The following MCTP1 variants were observed in gnomAD, a reference collection of about 807,000 sequenced individuals.
MCTP1 encodes multiple C2 and transmembrane domain containing 1.
Under a neutral mutation model 120.6 loss-of-function variants are expected in MCTP1, and 69 were observed. That is an observed-to-expected ratio of 0.57 (90% CI 0.47 to 0.70). The LOEUF (loss-of-function observed/expected upper bound fraction) is 0.70, where lower values mean the gene tolerates loss of function less well. Among genes scored for constraint, MCTP1 ranks in the 30% least tolerant of loss-of-function variants. The pLI is 0.00. For missense variants in MCTP1, 1,203 were observed against 1,248.8 expected (o/e 0.96, Z 0.55); for synonymous variants, 529 against 493.1 (o/e 1.07, Z -0.96).
chr5:95,131,901 C>A (rs764668576), intron 1 of MCTP1, among the ~76,000 whole-genome samples: 23 of 152,142 alleles, frequency 1.5e-4, no homozygotes, highest in Non-Finnish European at 2.1e-4. Context: ...GAAATTGTCA[C>A]CTTGGGGACT....
intron 17 of MCTP1, among the ~76,000 whole-genome samples, chr5:94,816,167 G>A (rs969868176): frequency 3.3e-5 from 5 of 152,096 alleles, no homozygotes; most frequent in African/African-American, 7.2e-5. Flanking sequence ...GGTAAAATAC[G>A]TATGTATAAA....
intron 2 of MCTP1, among the ~76,000 whole-genome samples, chr5:94,967,219 G>C (rs1269264194): frequency 6.6e-6 from 1 of 152,152 alleles, no homozygotes; most frequent in Non-Finnish European, 1.5e-5. Context: ...CCTGAAGGTT[G>C]GGTAGAGATG....
chr5:95,091,110 C>T (rs1340283116), intron 1 of MCTP1, among the ~76,000 whole-genome samples: 2 of 152,112 alleles, frequency 1.3e-5, no homozygotes, highest in Non-Finnish European at 2.9e-5. Flanking sequence ...CCCCCCAACC[C>T]CAAACCTACT....
chr5:94,807,036 A>AT (rs1182989944), intron 17 of MCTP1, among the ~76,000 whole-genome samples: 1 of 152,136 alleles, frequency 6.6e-6, no homozygotes, highest in African/African-American at 2.4e-5. Flanking sequence ...GTATTAACCC[A>AT]TTTTTTACCC....
At chr5:95,135,820 AC>A (rs1259080257) in intron 1 of MCTP1, among the ~76,000 whole-genome samples, 1 of 152,224 alleles carries the variant, frequency 6.6e-6, no homozygotes, top group African/African-American at 2.4e-5. Context: ...CCTCTAGGGA[AC>A]CCTGACTAAT....
intron 18 of MCTP1, among the ~76,000 whole-genome samples, chr5:94,780,654 A>T (rs1465616297): frequency 6.6e-6 from 1 of 152,156 alleles, no homozygotes; most frequent in Non-Finnish European, 1.5e-5. Context: ...AGACATATAA[A>T]GCAATGAAGC....
At chr5:94,879,291 G>A (rs191676400) in intron 12 of MCTP1, among the ~76,000 whole-genome samples, 8 of 152,106 alleles carry the variant, frequency 5.3e-5, no homozygotes, top group East Asian at 1.9e-4. Context: ...GATTTTAAAC[G>A]TAAATCAATA....
intron 1 of MCTP1, among the ~76,000 whole-genome samples, chr5:95,092,890 G>A (rs955720455): frequency 3.3e-5 from 5 of 152,142 alleles, no homozygotes; most frequent in African/African-American, 1.2e-4. Flanking sequence ...AGAATCTTAG[G>A]AGTATGCTTC....
intron 1 of MCTP1, among the ~76,000 whole-genome samples, chr5:95,202,686 T>C (rs1461010559): frequency 5.3e-5 from 8 of 152,194 alleles, no homozygotes; most frequent in Admixed American, 4.6e-4. Flanking sequence ...TGCTTGGCAC[T>C]TACTGAATTC....
At chr5:94,981,764 G>GC (rs1234630043) in intron 2 of MCTP1, among the ~76,000 whole-genome samples, 1 of 152,156 alleles carries the variant, frequency 6.6e-6, no homozygotes, top group East Asian at 1.9e-4. Flanking sequence ...AGAGAAAGCA[G>GC]CAAGTGCAGA....
chr5:94,966,796 A>G (rs1000951723), intron 2 of MCTP1, among the ~76,000 whole-genome samples: 16 of 144,574 alleles, frequency 1.1e-4, no homozygotes, highest in Non-Finnish European at 2.3e-4. Flanking sequence ...CTCTGTCTCG[A>G]AAAAAAAAAA....
chr5:94,954,044 A>G (rs6878366), intron 2 of MCTP1, among the ~76,000 whole-genome samples: 1,048 of 57,502 alleles, frequency 0.018, 100 homozygotes, highest in East Asian at 0.041. Context: ...AAATATATAT[A>G]TGCATATATA....
intron 17 of MCTP1, among the ~76,000 whole-genome samples, chr5:94,808,675 A>C (rs1045860636): frequency 2.0e-5 from 3 of 152,160 alleles, no homozygotes. Flanking sequence ...AAAGTGCACT[A>C]TCTACCAAAT....
intron 1 of MCTP1, among the ~76,000 whole-genome samples, chr5:95,107,016 T>C (rs1757134199): frequency 6.6e-6 from 1 of 152,232 alleles, no homozygotes; most frequent in African/African-American, 2.4e-5. Flanking sequence ...ATAAATACTT[T>C]ATTCAAAGCC....
chr5:94,754,822 C>T (rs1218288644), intron 19 of MCTP1, among the ~76,000 whole-genome samples: 1 of 152,220 alleles, frequency 6.6e-6, no homozygotes, highest in African/African-American at 2.4e-5. Context: ...TTTCCCTTGC[C>T]TACCACCTCA....
At chr5:94,713,704 C>T (rs995974997) in intron 20 of MCTP1, among the ~76,000 whole-genome samples, 7 of 152,122 alleles carry the variant, frequency 4.6e-5, no homozygotes, top group Admixed American at 2.0e-4. Context: ...CCTAAAGGCA[C>T]ATCTCGGAGT....
chr5:94,864,198 G>A (rs1239000542), intron 17 of MCTP1, among the ~76,000 whole-genome samples: 1 of 151,906 alleles, frequency 6.6e-6, no homozygotes, highest in Admixed American at 6.6e-5. Flanking sequence ...GCTGAAGCCA[G>A]TAGCCCTCCA....
intron 1 of MCTP1, among the ~76,000 whole-genome samples, chr5:95,190,948 C>T (rs747250472): frequency 4.0e-5 from 6 of 151,898 alleles, no homozygotes; most frequent in Admixed American, 2.6e-4. Context: ...TGGTTTGAAG[C>T]AATATGATAA....
intron 5 of MCTP1, among the ~76,000 whole-genome samples, chr5:94,933,404 C>T (rs1815309121): frequency 6.6e-6 from 1 of 151,650 alleles, no homozygotes; most frequent in African/African-American, 2.4e-5. Flanking sequence ...ATCATCACCA[C>T]CACCATCACT....
Sources: allele counts gnomAD v4.1 joint callset (sites outside exome capture counted in the v4.1 genomes callset), GRCh38; gene constraint gnomAD v4.1.1; transcripts MANE v1.5; gene names NCBI Gene and HGNC (gene_info 2026-07-23, HGNC 2026-07-21).